The following DNAH9 variants were observed in gnomAD, a reference collection of about 807,000 sequenced individuals.
DNAH9 encodes DNAH9 variant protein.
A neutral mutation model predicts 471.6 loss-of-function variants in DNAH9; 345 were observed. That is an observed-to-expected ratio of 0.73 (90% CI 0.67 to 0.80). DNAH9 has a LOEUF of 0.80. Among genes scored for constraint, DNAH9 ranks in the 30% least tolerant of loss-of-function variants. The probability of loss-of-function intolerance (pLI) is 0.00; values close to 1 mark genes in which losing one functional copy is unlikely to be tolerated. For synonymous variants in DNAH9, 2,093 were observed against 2,123.6 expected, an observed-to-expected ratio of 0.99 and a Z score of 0.40; for missense variants, 5,407 against 5,609.2, an observed-to-expected ratio of 0.96 and a Z score of 1.15.
chr17:11,880,125 T>C lies in DNAH9; in HGVS notation c.10526T>C (p.Leu3509Pro). 1 of 1,614,104 alleles carries C rather than the reference T, an allele frequency of 6.2e-7. No individual in the cohort carries two copies. The highest frequency in any genetic ancestry group is 8.5e-7 in the Non-Finnish European group (1 of 1,179,950). The change falls in exon 54 of 69, where the codon CTG becomes CCG. Residue 3509 changes from leucine to proline, a missense_variant. Leu to Pro is a moderately conservative substitution (Grantham distance 98). Transcript: ENST00000262442. ...EQALEAGAVV[L>P]IENLEESIDP... ...GCCCTGGAAGCTGGAGCTGTGGTGC[T>C]GATTGAAAATCTAGAGGAGTCCATT... is the stretch of plus-strand genomic sequence containing the variant.
chr17:11,893,503 G>A (rs1973126600), intron 58 of DNAH9, among the ~76,000 whole-genome samples: 1 of 152,094 alleles, frequency 6.6e-6, no homozygotes, highest in South Asian at 2.1e-4. Context: ...AAGAAAAAGT[G>A]GCACATATTC....
intron 65 of DNAH9, among the ~76,000 whole-genome samples, chr17:11,934,545 A>C (rs192143099): frequency 0.015 from 2,102 of 142,916 alleles, 56 homozygotes; most frequent in African/African-American, 0.052. Flanking sequence ...TCCCGGGTTC[A>C]CGCCATTCTC....
chr17:11,821,846 GATAACTTCCC>G (rs1970319143), intron 45 of DNAH9, 64 bp from the exon 46 acceptor site: 1 of 1,528,010 alleles, frequency 6.5e-7, no homozygotes, highest in Non-Finnish European at 8.8e-7. Context: ...CCTAAGGTAG[GATAACTTCCC>G]ATGTCTGATT....
At chr17:11,759,687 T>C (rs1967578891) in intron 35 of DNAH9, among the ~76,000 whole-genome samples, 1 of 129,372 alleles carries the variant, frequency 7.7e-6, no homozygotes, top group African/African-American at 3.2e-5. Context: ...CATGCCCACC[T>C]AATTTTTTTT....
At position 11,690,252 on chromosome 17, in the gene DNAH9, T is replaced by G. The variant is rs1255857766; in HGVS notation, c.4430T>G (p.Val1477Gly). 3 of 1,614,046 alleles carry G rather than the reference T, an allele frequency of 1.9e-6. No homozygotes were observed. In the Admixed American group the frequency reaches 5.0e-5, roughly 27 times the overall value. ...ATAGAGGTTCTGGAGGATAATCAAG[T>G]TCAACTTCAGAACCTGGTGATGTCC... ...DLIEVLEDNQ[V>G]QLQNLVMSKY... Residue 1477 changes from valine (V) to glycine (G), a missense_variant, in exon 20 of 69, where the codon GTT becomes GGT. This residue lies in a region of DNAH9 where 4,636 missense variants were observed against 4,900.3 expected (regional missense o/e 0.95). Transcript: ENST00000262442.
At chr17:11,885,631 G>C (rs1335302223) in intron 56 of DNAH9, among the ~76,000 whole-genome samples, 3 of 152,072 alleles carry the variant, frequency 2.0e-5, no homozygotes, top group African/African-American at 7.2e-5. Context: ...TTCTTTTCCA[G>C]ATATGCCTGT....
At chr17:11,652,553 G>C (rs2073536194) in intron 13 of DNAH9, among the ~76,000 whole-genome samples, 1 of 152,004 alleles carries the variant, frequency 6.6e-6, no homozygotes. Flanking sequence ...CCAAAGTGCT[G>C]GGATTACAGG....
chr17:11,720,260 T>A (rs879243254), intron 27 of DNAH9, among the ~76,000 whole-genome samples: 2 of 152,168 alleles, frequency 1.3e-5, no homozygotes, highest in African/African-American at 4.8e-5. Flanking sequence ...TTTCTTTTTT[T>A]AATTATACTT....
At chr17:11,775,267 A>G (rs1048440861) in intron 38 of DNAH9, among the ~76,000 whole-genome samples, 2 of 152,198 alleles carry the variant, frequency 1.3e-5, no homozygotes, top group Non-Finnish European at 2.9e-5. Flanking sequence ...TTCCCAGCAT[A>G]CAATAAGTGC....
At chr17:11,679,539 AAG>A (rs1347878578) in intron 17 of DNAH9, among the ~76,000 whole-genome samples, 1 of 152,212 alleles carries the variant, frequency 6.6e-6, no homozygotes, top group Non-Finnish European at 1.5e-5. Context: ...CCTTCATCAC[AAG>A]ATAGGCCTCA....
intron 32 of DNAH9, among the ~76,000 whole-genome samples, chr17:11,752,578 A>G (rs573277476): frequency 5.4e-4 from 83 of 152,326 alleles, no homozygotes; most frequent in Non-Finnish European, 7.6e-4. Flanking sequence ...GAGGCAGGAC[A>G]ATCGCTTGAA....
At chr17:11,882,804 T>A (rs1972771776) in intron 55 of DNAH9, 1 of 417,582 alleles carries the variant, frequency 2.4e-6, no homozygotes, top group Non-Finnish European at 3.2e-6. Flanking sequence ...GGAGTTGGCA[T>A]CTGAGCTAAT....
At chr17:11,945,303 G>A (rs755676358) in intron 67 of DNAH9, among the ~76,000 whole-genome samples, 10 of 152,240 alleles carry the variant, frequency 6.6e-5, no homozygotes, top group South Asian at 6.2e-4. Context: ...TTGGGAGGCC[G>A]AGGCAGGTGG....
chr17:11,736,534 C>T (rs531650033), intron 28 of DNAH9, among the ~76,000 whole-genome samples: 2 of 152,330 alleles, frequency 1.3e-5, no homozygotes, highest in South Asian at 2.1e-4. Context: ...AGGACCTGGA[C>T]GTTATCAAGG....
intron 14 of DNAH9, among the ~76,000 whole-genome samples, chr17:11,653,850 GT>G (rs2073565395): frequency 6.6e-6 from 1 of 152,160 alleles, no homozygotes; most frequent in Non-Finnish European, 1.5e-5. Flanking sequence ...ATCAGCAGCT[GT>G]TGTAGAACCC....
chr17:11,792,159 A>C (rs576292313), intron 41 of DNAH9, among the ~76,000 whole-genome samples: 9 of 152,228 alleles, frequency 5.9e-5, no homozygotes, highest in African/African-American at 2.2e-4. Context: ...CTGCAATCCC[A>C]GCTACTCAGG....
intron 27 of DNAH9, among the ~76,000 whole-genome samples, chr17:11,726,130 C>T (rs906933054): frequency 2.6e-5 from 4 of 152,074 alleles, no homozygotes; most frequent in African/African-American, 9.7e-5. Context: ...TCCTGGAAAG[C>T]CTTACCCCTT....
At chr17:11,891,355 T>C (rs1973043195) in intron 57 of DNAH9, among the ~76,000 whole-genome samples, 2 of 151,926 alleles carry the variant, frequency 1.3e-5, no homozygotes, top group South Asian at 4.1e-4. Context: ...AACATTTCTT[T>C]GGTTTTTTTT....
intron 15 of DNAH9, among the ~76,000 whole-genome samples, chr17:11,665,448 T>A (rs1597452828): frequency 6.6e-6 from 1 of 152,294 alleles, no homozygotes; most frequent in East Asian, 1.9e-4. Context: ...TTTTTCTGAG[T>A]GAAAGAGTCA....
Sources: gnomAD v4.1 joint callset for allele counts (sites outside exome capture counted in the v4.1 genomes callset) on GRCh38, gnomAD v4.1.1 for gene constraint, gnomAD v4.1.1 regional missense constraint, MANE v1.5 for transcripts, NCBI Gene and HGNC (gene_info 2026-07-23, HGNC 2026-07-21) for gene names.